GREP1: variants seen among roughly 807,000 people sequenced by gnomAD.
GREP1 encodes glycine rich extracellular protein 1.
chr16:2,990,284 T>C (rs1421624753), intron 5 of GREP1, 162 bp downstream of exon 5: 2 of 397,912 alleles, frequency 5.0e-6, no homozygotes, highest in African/African-American at 4.1e-5. Context: ...CCACCTCAGC[T>C]GGGACCCCAA....
intron 34 of GREP1, 94 bp downstream of exon 28, chr16:3,001,428 G>C (rs1319691926): frequency 2.5e-6 from 1 of 398,992 alleles, no homozygotes; most frequent in African/African-American, 2.1e-5. Context: ...CCTTGGGAAG[G>C]ATAGCAGGTT....
intron 29 of GREP1, 60 bp downstream of exon 26, chr16:3,000,178 GAGTC>G (rs569735595): frequency 4.5e-5 from 18 of 399,164 alleles, no homozygotes; most frequent in African/African-American, 1.0e-4. Context: ...CCTCATGCCT[GAGTC>G]AGTCTGTCTG....
At chr16:2,999,906 C>A (rs1007697126) in exon 28 of GREP1, 5 of 399,128 alleles carry the variant, frequency 1.3e-5, no homozygotes, top group Non-Finnish European at 2.2e-5. Flanking sequence ...TCACAGGGCA[C>A]CAGCCTCCAA....
chr16:2,997,117 C>T (rs571676567), intron 21 of GREP1, 32 bp downstream of exon 20: 100 of 399,258 alleles, frequency 2.5e-4, no homozygotes, highest in African/African-American at 1.6e-3. Flanking sequence ...CCTCTGCCTC[C>T]CCCAAACCCT....
At position 3,000,547 on chromosome 16, in the gene GREP1, C is replaced by T. The variant is rs145898249; in HGVS notation, c.1358-7C>T. On this transcript the variant is annotated splice_region_variant and splice_polypyrimidine_tract_variant and intron_variant, in intron 31 of 34. Coordinates refer to ENST00000573315, the Ensembl canonical transcript of GREP1. ...GGCTAGGCGGGAATGACCAGAGTCT[C>T]TTGGAGGGGATGGGGTGGAAGCTCT... The T allele has an allele frequency of 1.9e-3, 768 of 399,078 alleles. 4 individuals are homozygous for T. Among genetic ancestry groups the T allele is most frequent in the African/African-American group, 0.014 (696 of 48,764 alleles). The allele number at this position is 399,078 out of a possible 1,614,324, so 24.7% of individuals were successfully genotyped here. A position where few individuals can be genotyped will look rare whatever the true frequency, so the allele number is the denominator to read the frequency against.
chr16:2,990,651 A>C (rs2072393963), intron 7 of GREP1, 64 bp downstream of exon 6: 1 of 398,756 alleles, frequency 2.5e-6, no homozygotes, highest in Non-Finnish European at 4.4e-6. Context: ...TTTGCCTGAT[A>C]CTGTGGGGGA....
intron 27 of GREP1, among the ~76,000 whole-genome samples, chr16:2,999,633 G>A (rs1380523263): frequency 6.6e-6 from 1 of 152,026 alleles, no homozygotes; most frequent in African/African-American, 2.4e-5. Context: ...TTGTATTTTT[G>A]TAGAGTCGGG....
Position 2,997,387 on chromosome 16 carries a change from A to G in GREP1, c.887-2A>G. ...CCCCTGCTCACCCCTCCCTCCCCAC[A>G]GGCCCCTTAGCCCAGAATGGCTACA... On this transcript the variant is annotated splice_acceptor_variant, in intron 21 of 34. Transcript: ENST00000573315. LOFTEE classifies it high-confidence loss of function. 2.5e-6 allele frequency: 1 copy of G among 398,532 alleles called. No homozygotes were observed. Among genetic ancestry groups the G allele is most frequent in the South Asian group, 1.3e-4 (1 of 7,846 alleles). 24.7% of individuals were successfully genotyped at this position (398,532 alleles called of 1,614,324 possible).
Position 2,995,719 on chromosome 16 carries a change from C to A in GREP1, c.590-20C>A. The A allele has an allele frequency of 2.5e-6, 1 of 398,682 alleles. No homozygotes were observed. Among genetic ancestry groups the A allele is most frequent in the Non-Finnish European group, 4.4e-6 (1 of 226,134 alleles). The allele number at this position is 398,682 out of a possible 1,614,324, so 24.7% of individuals were successfully genotyped here. ...GTGGGGCCCCTGAGTCACTCACCAG[C>A]CCCCCTATATCTCCTCCAGGCCTTG... On this transcript the variant is annotated intron_variant, in intron 16 of 34. Coordinates refer to ENST00000573315, the Ensembl canonical transcript of GREP1.
chr16:3,000,266 G>A (rs909718685), intron 29 of GREP1, 148 bp downstream of exon 26: 1 of 399,286 alleles, frequency 2.5e-6, no homozygotes, highest in African/African-American at 2.1e-5. Flanking sequence ...CCTGTCCCTA[G>A]CTCCTCTCCA....
At chr16:3,001,301 G>A in exon 34 of GREP1, 1 of 399,162 alleles carries the variant, frequency 2.5e-6, no homozygotes, top group East Asian at 3.6e-5. Flanking sequence ...CGTGAAGAGA[G>A]GCAGCAATGG....
intron 7 of GREP1, 64 bp from the exon 7 acceptor site, chr16:2,990,984 T>G (rs2072396258): frequency 2.5e-6 from 1 of 399,126 alleles, no homozygotes. Context: ...TCCCACCCTC[T>G]GTCTCTGTCT....
In GREP1 at chr16:2,996,549, T is replaced by G. The variant is rs925720270; in HGVS notation, c.712+18T>G. 1 of 399,264 alleles carries G rather than the reference T, an allele frequency of 2.5e-6. No individual in the cohort carries two copies. Among genetic ancestry groups the G allele is most frequent in the Non-Finnish European group, 4.4e-6 (1 of 226,308 alleles). 24.7% of individuals were successfully genotyped at this position (399,264 alleles called of 1,614,324 possible). ...CCAGCCAGGTGAGGGCAGCTGGGCC[T>G]GGCTCGCGAGGGGTCGGGAGGTGGG... On this transcript the variant is annotated intron_variant, in intron 19 of 34. Coordinates refer to ENST00000573315, the Ensembl canonical transcript of GREP1.
chr16:2,989,192 C>T lies in GREP1; in HGVS notation c.101-331C>T. Reference sequence around the variant, plus strand: ...GGAAGAGGGTGGAGTGGGCTCTGCCCCACAGTCCCCCAGAGCCCTGGCTCA... The same window carrying T: ...GGAAGAGGGTGGAGTGGGCTCTGCCTCACAGTCCCCCAGAGCCCTGGCTCA... On this transcript the variant is annotated intron_variant, in intron 2 of 34. Coordinates refer to ENST00000573315, the Ensembl canonical transcript of GREP1. This position sits in a 1 kb window ranked among gnomAD's most constrained non-coding sequence, Gnocchi z 4.2. 3.0e-6 allele frequency: 1 copy of T among 338,644 alleles called. No homozygotes were observed. Among genetic ancestry groups the T allele is most frequent in the Non-Finnish European group, 5.3e-6 (1 of 187,954 alleles). 21.0% of individuals were successfully genotyped at this position (338,644 alleles called of 1,614,324 possible).
At chr16:2,993,676 C>G (rs950080528) in intron 10 of GREP1, 1 of 152,088 alleles carries the variant, frequency 6.6e-6, no homozygotes, top group Non-Finnish European at 1.5e-5. Flanking sequence ...AAAAAACAGA[C>G]AGGCCGGGCT....
chr16:3,000,046 G>A (rs761203920), intron 28 of GREP1, 40 bp from the exon 26 acceptor site: 7 of 398,730 alleles, frequency 1.8e-5, no homozygotes, highest in Non-Finnish European at 2.2e-5. Flanking sequence ...TGTGGCTCTC[G>A]CTGACCCCCA....
chr16:2,997,945 G>A (rs1453974391), intron 23 of GREP1, 110 bp downstream of exon 21: 1 of 397,228 alleles, frequency 2.5e-6, no homozygotes, highest in South Asian at 1.3e-4. Flanking sequence ...GAACGGGCTG[G>A]AGCTGGAGCC....
chr16:2,999,204 A>C (rs935088668), intron 26 of GREP1: 4 of 398,818 alleles, frequency 1.0e-5, no homozygotes, highest in Non-Finnish European at 1.8e-5. Context: ...TGGCATCTGC[A>C]GTCTCTCAAG....
rs528294172 is a variant in GREP1, at chr16:2,989,158, G to C, written c.101-365G>C. On this transcript the variant is annotated intron_variant, in intron 2 of 34. Transcript: ENST00000573315. The surrounding 1 kb of genome is among the most constrained non-coding windows in gnomAD (Gnocchi z 4.2). ...GGAGCCCAGTACTGAGAATGGATGG[G>C]AGAGGAGAGGAAGAGGGTGGAGTGG... 1 of 297,950 alleles carries C rather than the reference G, an allele frequency of 3.4e-6. No individual in the cohort carries two copies. The highest frequency in any genetic ancestry group is 1.6e-4 in the South Asian group (1 of 6,134). 18.5% of individuals were successfully genotyped at this position (297,950 alleles called of 1,614,324 possible).
Sources: allele counts gnomAD v4.1 joint callset (sites outside exome capture counted in the v4.1 genomes callset), GRCh38; gene constraint gnomAD v4.1.1; non-coding constraint Gnocchi (gnomAD v3.1); transcripts MANE v1.5; gene names NCBI Gene and HGNC (gene_info 2026-07-23, HGNC 2026-07-21).